Variants in PRKAR1B observed in about 807,000 individuals in gnomAD.
The protein encoded by PRKAR1B is protein kinase cAMP-dependent type I regulatory subunit beta, also known as cAMP-dependent protein kinase type I-beta regulatory subunit.
Under a neutral mutation model 46.5 loss-of-function variants are expected in PRKAR1B, and 22 were observed. The observed-to-expected ratio is 0.47, with a 90% CI of 0.34 to 0.68. The LOEUF (loss-of-function observed/expected upper bound fraction) is 0.68, where lower values mean the gene tolerates loss of function less well. PRKAR1B is among the 30% of genes least tolerant of loss of function. PRKAR1B has a pLI of 0.01. For missense variants in PRKAR1B, 445 were observed against 535.6 expected (o/e 0.83, Z 1.67); for synonymous variants, 259 against 217.7 (o/e 1.19, Z -1.67).
chr7:723,524 A>G (rs1301756756), intron 1 of PRKAR1B, among the ~76,000 whole-genome samples: 1 of 152,118 alleles, frequency 6.6e-6, no homozygotes, highest in African/African-American at 2.4e-5. Flanking sequence ...TGCTATGTGC[A>G]GGGTATTTTG....
rs377125356 is a variant in PRKAR1B at position 593,724 on chromosome 7, G to C, written c.708+2422C>G. 6.6e-6 allele frequency among the ~76,000 whole-genome samples: 1 copy of C among 152,160 alleles called. No homozygotes were observed. The highest frequency in any genetic ancestry group is 6.5e-5 in the Admixed American group (1 of 15,288). Reference sequence around the variant, plus strand: ...CCTCCCAGTGAAGGCAGGAGTGAGCGGGTTCAGACAGAAGAGAGGGAGCGT... The same window carrying C: ...CCTCCCAGTGAAGGCAGGAGTGAGCCGGTTCAGACAGAAGAGAGGGAGCGT... On this transcript the variant is annotated intron_variant, in intron 7 of 10. Transcript: ENST00000537384. This position sits in a 1 kb window ranked among gnomAD's most constrained non-coding sequence, Gnocchi z 6.1.
intron 2 of PRKAR1B, among the ~76,000 whole-genome samples, chr7:685,308 G>GTATATATATGTATACA (rs373416786): frequency 8.8e-5 from 1 of 11,314 alleles, no homozygotes; most frequent in African/African-American, 5.7e-4. Context: ...ATATATATAC[G>GTATATATATGTATACA]TATATATACG....
chr7:686,022 C>T (rs1779077023), intron 2 of PRKAR1B, among the ~76,000 whole-genome samples: 1 of 152,066 alleles, frequency 6.6e-6, no homozygotes, highest in African/African-American at 2.4e-5. Context: ...GAGAATCGGC[C>T]AGGTGTGGTG....
At chr7:636,704 A>G (rs1784128820) in intron 4 of PRKAR1B, among the ~76,000 whole-genome samples, 1 of 152,200 alleles carries the variant, frequency 6.6e-6, no homozygotes, top group Non-Finnish European at 1.5e-5. Context: ...CCACCCTCAC[A>G]GAGGCTGTGC....
chr7:675,195 A>G (rs1786509600), intron 4 of PRKAR1B, among the ~76,000 whole-genome samples: 1 of 152,224 alleles, frequency 6.6e-6, no homozygotes, highest in Non-Finnish European at 1.5e-5. Flanking sequence ...TTACAATGGA[A>G]CGCTGTGCAG....
At chr7:677,433 T>C (rs953750794) in intron 3 of PRKAR1B, 113 bp from the exon 4 acceptor site, 4 of 878,144 alleles carry the variant, frequency 4.6e-6, no homozygotes, top group African/African-American at 1.6e-5. Context: ...ATGGTACAAA[T>C]ATGCAATTTG....
At position 596,322 on chromosome 7, in the gene PRKAR1B, G is replaced by A. The variant is rs1249042344; in HGVS notation, c.550-18C>T. The A allele has an allele frequency of 3.8e-6, 6 of 1,596,822 alleles. No individual in the cohort carries two copies. In the African/African-American group the frequency reaches 8.0e-5, roughly 21 times the overall value. On this transcript the variant is annotated intron_variant, in intron 6 of 10. Coordinates refer to ENST00000537384, the MANE Select transcript of PRKAR1B (RefSeq NM_001164760.2). The stretch of plus-strand genomic sequence containing the variant: ...ACGTACACCTTTGGGGAGCAAGAGA[G>A]AGAAGTGTCACGGGGGCCAGGCAGG...
At chr7:713,212 C>T (rs1348973431) in intron 1 of PRKAR1B, 1 of 152,522 alleles carries the variant, frequency 6.6e-6, no homozygotes, top group Non-Finnish European at 1.5e-5. Flanking sequence ...GAAACTCCAT[C>T]TTCCCTCCCC....
At chr7:660,730 G>T (rs1785482339) in intron 4 of PRKAR1B, among the ~76,000 whole-genome samples, 1 of 108,658 alleles carries the variant, frequency 9.2e-6, no homozygotes, top group South Asian at 3.3e-4. Flanking sequence ...CATGGCACAG[G>T]TCCCCACCCC....
chr7:605,621 TCTC>T (rs1227204554), intron 6 of PRKAR1B, among the ~76,000 whole-genome samples: 2 of 152,182 alleles, frequency 1.3e-5, no homozygotes, highest in Admixed American at 6.5e-5. Context: ...AGGGGAAGCT[TCTC>T]CTTCCAAAAC....
chr7:727,176 C>G lies in PRKAR1B; in HGVS notation c.-23+34G>C, dbSNP rs769656987. 2.1e-4 allele frequency: 277 copies of G among 1,334,980 alleles called. No homozygotes were observed. Among genetic ancestry groups the G allele is most frequent in the Middle Eastern group, 1.1e-3 (4 of 3,514 alleles). 82.7% of individuals were successfully genotyped at this position (1,334,980 alleles called of 1,614,324 possible). A position where few individuals can be genotyped will look rare whatever the true frequency, so the allele number is the denominator to read the frequency against. On this transcript the variant is annotated intron_variant, in intron 1 of 10. Transcript: ENST00000537384. ...CGCTTGTGCAGCTGCTGGGCCTGGC[C>G]GTGGACCTGTGCGGCGCCGCGCTCG...
chr7:687,444 T>C (rs1266123818), intron 2 of PRKAR1B, among the ~76,000 whole-genome samples: 1 of 152,278 alleles, frequency 6.6e-6, no homozygotes, highest in Admixed American at 6.5e-5. Flanking sequence ...ACTTGGTGGA[T>C]GGGTTTAACA....
intron 6 of PRKAR1B, 122 bp downstream of exon 6, chr7:606,071 A>G (rs1194583484): frequency 4.5e-6 from 4 of 881,594 alleles, no homozygotes; most frequent in Non-Finnish European, 7.3e-6. Flanking sequence ...CTGGATTAAA[A>G]CACTAGGAAT....
intron 10 of PRKAR1B, 31 bp from the exon 11 acceptor site, chr7:550,633 G>T (rs760831173): frequency 1.6e-5 from 24 of 1,506,406 alleles, no homozygotes; most frequent in Non-Finnish European, 1.9e-5. Context: ...TCAGGGCTGG[G>T]CCTGGGGGTC....
At chr7:625,020 A>G (rs1434591473) in intron 4 of PRKAR1B, among the ~76,000 whole-genome samples, 3 of 152,222 alleles carry the variant, frequency 2.0e-5, no homozygotes, top group African/African-American at 7.2e-5. Flanking sequence ...GCCATAAAAT[A>G]TCCCTGAACA....
rs79191622 is a variant in PRKAR1B at position 679,521 on chromosome 7, G to A, written c.348+1035C>T. 4.2e-3 allele frequency among the ~76,000 whole-genome samples: 647 copies of A among 152,320 alleles called. 6 individuals carry two copies. The highest frequency in any genetic ancestry group is 0.014 in the African/African-American group (601 of 41,564). ...CTAATAAATTTTTAACAATGCTTGC[G>A]CTAGCTTTAATTAGCTGATTATAAA... On this transcript the variant is annotated intron_variant, in intron 3 of 10. Coordinates refer to ENST00000537384, the MANE Select transcript of PRKAR1B (RefSeq NM_001164760.2).
chr7:550,716 G>T, intron 10 of PRKAR1B, 114 bp from the exon 11 acceptor site: 1 of 840,774 alleles, frequency 1.2e-6, no homozygotes, highest in South Asian at 1.9e-5. Flanking sequence ...GGATGTGCCA[G>T]GCACACGTGA....
intron 4 of PRKAR1B, among the ~76,000 whole-genome samples, chr7:635,447 C>A (rs1439357769): frequency 2.6e-5 from 4 of 152,204 alleles, no homozygotes; most frequent in Non-Finnish European, 5.9e-5. Flanking sequence ...GGACGGCAAC[C>A]TGCCTGCACC....
At chr7:561,569 C>T (rs1323597864) in intron 9 of PRKAR1B, among the ~76,000 whole-genome samples, 2 of 152,156 alleles carry the variant, frequency 1.3e-5, no homozygotes, top group Non-Finnish European at 2.9e-5. Flanking sequence ...CCGTTTGTTT[C>T]GGGAGGCTGA....
Sources: allele counts gnomAD v4.1 joint callset (sites outside exome capture counted in the v4.1 genomes callset), GRCh38; gene constraint gnomAD v4.1.1; non-coding constraint Gnocchi (gnomAD v3.1); transcripts MANE v1.5; gene names NCBI Gene and HGNC (gene_info 2026-07-23, HGNC 2026-07-21).